Variants in KATNAL2 observed in about 807,000 individuals in gnomAD.
KATNAL2 encodes katanin p60 ATPase-containing subunit A-like 2.
In KATNAL2, 52 loss-of-function variants were observed where a neutral mutation model predicts 76.3. The ratio of observed to expected loss-of-function variants is 0.68; its 90% CI spans 0.55 to 0.86. KATNAL2 has a LOEUF of 0.86. KATNAL2 is among the 40% of genes least tolerant of loss of function. The pLI is 0.00. For missense variants in KATNAL2, 660 were observed against 668.9 expected, an observed-to-expected ratio of 0.99 and a Z score of 0.15; for synonymous variants, 243 against 244.2, an observed-to-expected ratio of 1.00 and a Z score of 0.05.
At chr18:47,059,757 G>A in intron 8 of KATNAL2, 103 bp downstream of exon 8, 1 of 872,736 alleles carries the variant, frequency 1.1e-6, no homozygotes, top group Non-Finnish European at 1.8e-6. Flanking sequence ...AAGTTAAGAT[G>A]TGATTTTTGA....
intron 1 of KATNAL2, among the ~76,000 whole-genome samples, chr18:46,928,609 G>A (rs2058806652): frequency 6.6e-6 from 1 of 152,142 alleles, no homozygotes; most frequent in Admixed American, 6.5e-5. Context: ...TCTCTTCAAA[G>A]CTCAGTTGGA....
intron 1 of KATNAL2, among the ~76,000 whole-genome samples, chr18:46,938,675 T>G (rs2059159563): frequency 6.6e-6 from 1 of 152,162 alleles, no homozygotes; most frequent in East Asian, 1.9e-4. Flanking sequence ...ATGATAATAT[T>G]TTATAAATAT....
intron 10 of KATNAL2, among the ~76,000 whole-genome samples, chr18:47,064,140 T>A (rs1209775830): frequency 6.6e-6 from 1 of 151,824 alleles, no homozygotes; most frequent in Non-Finnish European, 1.5e-5. Flanking sequence ...GTGTGTCAGG[T>A]GTGTGCTGTG....
At chr18:47,083,131 G>A (rs115384830) in intron 15 of KATNAL2, among the ~76,000 whole-genome samples, 3,078 of 152,270 alleles carry the variant, frequency 0.02, 90 homozygotes, top group African/African-American at 0.07. Flanking sequence ...TAAAGTTCTG[G>A]TTGTTTCCTT....
rs147208106 is a variant in KATNAL2, at chr18:46,948,039, C to T, written c.51+1116C>T. ...GATTTCTTGAAACTTGCACTTTAAGCACGAACTCTACGTTTGAAAAACACA... is the reference window on the plus strand; with the variant it reads ...GATTTCTTGAAACTTGCACTTTAAGTACGAACTCTACGTTTGAAAAACACA... On this transcript the variant is annotated intron_variant, in intron 3 of 17. Transcript: ENST00000683218. 3.4e-3 allele frequency among the ~76,000 whole-genome samples: 516 copies of T among 152,304 alleles called. 1 individual carries two copies. Among genetic ancestry groups the T allele is most frequent in the Middle Eastern group, 0.01 (3 of 294 alleles).
intron 5 of KATNAL2, among the ~76,000 whole-genome samples, 180 bp from the exon 6 acceptor site, chr18:47,054,216 C>T (rs2061410996): frequency 6.6e-6 from 1 of 152,226 alleles, no homozygotes; most frequent in Non-Finnish European, 1.5e-5. Flanking sequence ...GCTCAGGCCT[C>T]TTTCTCTTCG....
chr18:46,954,550 T>C (rs1052747611), intron 3 of KATNAL2, among the ~76,000 whole-genome samples: 1 of 151,920 alleles, frequency 6.6e-6, no homozygotes, highest in Non-Finnish European at 1.5e-5. Flanking sequence ...AGGATGGTCT[T>C]GATTTCTTGA....
At chr18:47,033,860 AG>A in intron 3 of KATNAL2, 1 of 1,614,030 alleles carries the variant, frequency 6.2e-7, no homozygotes. Flanking sequence ...GCCTGCATCC[AG>A]GCCTCTGAGA....
chr18:46,951,594 AT>A (rs1214659496), intron 3 of KATNAL2, among the ~76,000 whole-genome samples: 1 of 151,200 alleles, frequency 6.6e-6, no homozygotes, highest in East Asian at 1.9e-4. Flanking sequence ...CTTGCCCTAT[AT>A]CCCTCTTGTA....
At chr18:47,084,656 C>G (rs896056391) in intron 15 of KATNAL2, among the ~76,000 whole-genome samples, 2 of 151,530 alleles carry the variant, frequency 1.3e-5, no homozygotes, top group African/African-American at 2.4e-5. Flanking sequence ...CAAGACCTGC[C>G]TGGCCCACAT....
Position 47,091,513 on chromosome 18 carries a change from T to C in KATNAL2, c.1212-7730T>C, listed in dbSNP as rs142432213. Among the ~76,000 whole-genome samples the C allele has an allele frequency of 2.1e-4, 32 of 152,336 alleles. No homozygotes were observed. In the East Asian group the frequency reaches 2.3e-3, roughly 11 times the overall value. On this transcript the variant is annotated intron_variant, in intron 15 of 17. Transcript: ENST00000683218. ...GGTTAAATTTTTTTATATAAATATATTGGCATAAAGAATGATTCCTGGGTA... is the reference window on the plus strand; with the variant it reads ...GGTTAAATTTTTTTATATAAATATACTGGCATAAAGAATGATTCCTGGGTA...
At chr18:47,099,186 G>A in intron 15 of KATNAL2, 57 bp from the exon 16 acceptor site, 6 of 1,524,238 alleles carry the variant, frequency 3.9e-6, no homozygotes, top group Non-Finnish European at 5.3e-6. Context: ...AAGTACAGTT[G>A]TTGTTCAGGA....
At chr18:46,932,193 G>A (rs1376887088) in intron 1 of KATNAL2, among the ~76,000 whole-genome samples, 1 of 152,126 alleles carries the variant, frequency 6.6e-6, no homozygotes, top group Non-Finnish European at 1.5e-5. Context: ...TTACAGGCGT[G>A]AGCCACCACG....
Position 47,086,772 on chromosome 18 carries a change from A to C in KATNAL2, c.1211+9311A>C, listed in dbSNP as rs147231696. ...GTAAAACCCATATGACGAGGAAAGAAGTATACTGTGCAGGATTTGGTAGGT... is the reference window on the plus strand; with the variant it reads ...GTAAAACCCATATGACGAGGAAAGACGTATACTGTGCAGGATTTGGTAGGT... On this transcript the variant is annotated intron_variant, in intron 15 of 17. Coordinates refer to ENST00000683218, the MANE Select transcript of KATNAL2 (RefSeq NM_001387690.1). Among the ~76,000 whole-genome samples, 1,142 of 152,362 alleles carry C rather than the reference A, an allele frequency of 7.5e-3. 8 individuals are homozygous for C. The highest frequency in any genetic ancestry group is 0.012 in the Non-Finnish European group (784 of 68,038).
intron 4 of KATNAL2, among the ~76,000 whole-genome samples, chr18:47,046,805 A>G (rs2061172177): frequency 6.6e-6 from 1 of 152,130 alleles, no homozygotes; most frequent in Admixed American, 6.5e-5. Flanking sequence ...TCTTTGTGTT[A>G]TATTGTGCTG....
In KATNAL2 at chr18:47,094,892, G is replaced by A. The variant is rs1345935331; in HGVS notation, c.1212-4351G>A. ...GAGGCAGTTCCCCTGCTACTGGAGG[G>A]GGTGGAAATCTGTGATCTAACTTTT... On this transcript the variant is annotated intron_variant, in intron 15 of 17. Transcript: ENST00000683218. Among the ~76,000 whole-genome samples the A allele has an allele frequency of 3.3e-5, 5 of 152,222 alleles. No individual in the cohort carries two copies. The East Asian group carries it at 9.7e-4, about 29-fold the overall frequency.
At chr18:47,035,576 T>G in intron 3 of KATNAL2, 1 of 566,632 alleles carries the variant, frequency 1.8e-6, no homozygotes. Flanking sequence ...GGGCCTTATG[T>G]AGCCCATCCC....
At position 47,069,179 on chromosome 18, in the gene KATNAL2, G is replaced by A. The variant is rs138001484; in HGVS notation, c.826-41G>A. The A allele has an allele frequency of 1.1e-3, 1,505 of 1,401,630 alleles. 17 individuals carry two copies. The highest frequency in any genetic ancestry group is 6.1e-3 in the East Asian group (268 of 43,798). The allele number at this position is 1,401,630 out of a possible 1,614,324, so 86.8% of individuals were successfully genotyped here. A position where few individuals can be genotyped will look rare whatever the true frequency, so the allele number is the denominator to read the frequency against. ...CTGTGCTGAGAGTATGCAGGCTGAT[G>A]TGTTGGTACCAAACCTCATCCTTGT... On this transcript the variant is annotated intron_variant, in intron 11 of 17. Transcript: ENST00000683218.
chr18:47,049,014 T>A (rs1321660871), intron 4 of KATNAL2, among the ~76,000 whole-genome samples: 1 of 151,996 alleles, frequency 6.6e-6, no homozygotes, highest in Admixed American at 6.6e-5. Flanking sequence ...GTTTTGTATT[T>A]TTAGTAGAGA....
Sources: allele counts gnomAD v4.1 joint callset (sites outside exome capture counted in the v4.1 genomes callset), GRCh38; gene constraint gnomAD v4.1.1; transcripts MANE v1.5; gene names NCBI Gene and HGNC (gene_info 2026-07-23, HGNC 2026-07-21).